ROS1: variants seen among roughly 807,000 people sequenced by gnomAD.
ROS1 encodes ROS proto-oncogene 1, receptor tyrosine kinase, also known as proto-oncogene tyrosine-protein kinase ROS.
In ROS1, 263 loss-of-function variants were observed where a neutral mutation model predicts 273.5. The observed-to-expected ratio is 0.96, with a 90% confidence interval of 0.87 to 1.06. The LOEUF is 1.06. Among genes scored for constraint, ROS1 ranks in the 50% least tolerant of loss-of-function variants. The probability of loss-of-function intolerance (pLI) is 0.00; values close to 1 mark genes in which losing one functional copy is unlikely to be tolerated. For missense variants in ROS1, 2,833 were observed against 2,751.1 expected, an observed-to-expected ratio of 1.03 and a Z score of -0.67; for synonymous variants, 1,008 against 954.1, an observed-to-expected ratio of 1.06 and a Z score of -1.04.
rs1159992483 is a variant in ROS1, at chr6:117,404,363, A to G, written c.382T>C (p.Trp128Arg). 2 of 1,614,048 alleles carry G rather than the reference A, an allele frequency of 1.2e-6. No homozygotes were observed. The highest frequency in any genetic ancestry group is 1.7e-6 in the Non-Finnish European group (2 of 1,179,914). The part of the protein sequence containing the change: ...SIGSHNMTLR[W>R]KSANFSGVKY... ...ACTCCAGAGAAGTTTGCAGATTTCCATCGTAATGTCATATTGTGGCTTCCA... is the reference window on the plus strand; with the variant it reads ...ACTCCAGAGAAGTTTGCAGATTTCCGTCGTAATGTCATATTGTGGCTTCCA... Residue 128 changes from tryptophan (W) to arginine (R), a missense_variant, in exon 6 of 44, where the codon TGG (tryptophan) becomes CGG (arginine). Trp to Arg is a moderately radical substitution (Grantham distance 101, BLOSUM62 -3). Transcript: ENST00000368507.
chr6:117,403,299 C>A (rs2243379), intron 6 of ROS1, 22 bp from the exon 7 acceptor site: 798,545 of 1,602,072 alleles, frequency 0.5, 208,226 homozygotes, highest in African/African-American at 0.88. Flanking sequence ...AGTGATCAAT[C>A]ATCAGCATTA....
In ROS1 at chr6:117,396,895, C is replaced by A. The variant is rs1288272037; in HGVS notation, c.806+20G>T. ...GCAGCCATGCTGGTTACATTTTCCT[C>A]TGTATCACTTAATTCTTACCTGTAG... On this transcript the variant is annotated intron_variant, in intron 8 of 43. Transcript: ENST00000368507. 1 of 1,546,148 alleles carries A rather than the reference C, an allele frequency of 6.5e-7. No individual in the cohort carries two copies. The highest frequency in any genetic ancestry group is 2.2e-5 in the East Asian group (1 of 44,568).
chr6:117,370,529 G>A (rs1456432346), intron 18 of ROS1, among the ~76,000 whole-genome samples: 1 of 152,024 alleles, frequency 6.6e-6, no homozygotes, highest in Non-Finnish European at 1.5e-5. Context: ...AATTTTAGAT[G>A]TGTAACTTCT....
At chr6:117,400,126 T>A (rs997408127) in intron 7 of ROS1, among the ~76,000 whole-genome samples, 1 of 152,240 alleles carries the variant, frequency 6.6e-6, no homozygotes, top group Non-Finnish European at 1.5e-5. Flanking sequence ...CTCCATGCCT[T>A]AGAATCCAAT....
intron 42 of ROS1, among the ~76,000 whole-genome samples, chr6:117,306,075 A>G (rs1048948095): frequency 1.4e-5 from 2 of 142,190 alleles, no homozygotes; most frequent in South Asian, 4.4e-4. Flanking sequence ...CTCATTAGCT[A>G]TATCCAATGT....
chr6:117,356,508 A>G, intron 26 of ROS1, 121 bp downstream of exon 26: 1 of 855,990 alleles, frequency 1.2e-6, no homozygotes, highest in Non-Finnish European at 1.7e-6. Flanking sequence ...AACACTTGGC[A>G]TGGTACAGAG....
intron 7 of ROS1, among the ~76,000 whole-genome samples, chr6:117,398,701 G>C (rs116922762): frequency 1.4e-5 from 2 of 144,414 alleles, no homozygotes; most frequent in Non-Finnish European, 3.1e-5. Flanking sequence ...AAAAAAACTC[G>C]CGGTGACTCA....
chr6:117,413,372 A>C (rs924688365), intron 4 of ROS1, among the ~76,000 whole-genome samples: 1 of 152,194 alleles, frequency 6.6e-6, no homozygotes, highest in African/African-American at 2.4e-5. Flanking sequence ...AGCTGGGATT[A>C]CAGGTGCACA....
intron 42 of ROS1, among the ~76,000 whole-genome samples, chr6:117,306,654 T>C (rs1775126404): frequency 6.6e-6 from 1 of 152,134 alleles, no homozygotes; most frequent in Admixed American, 6.6e-5. Context: ...AAGCAGTAAA[T>C]GGAAGGTGTA....
intron 26 of ROS1, among the ~76,000 whole-genome samples, chr6:117,355,720 C>T (rs1022516173): frequency 6.6e-6 from 1 of 151,804 alleles, no homozygotes; most frequent in Non-Finnish European, 1.5e-5. Flanking sequence ...AGTGAGTCTT[C>T]CTGTCTCAGC....
At chr6:117,318,327 T>C in intron 37 of ROS1, 75 bp from the exon 38 acceptor site, 2 of 1,026,848 alleles carry the variant, frequency 1.9e-6, no homozygotes, top group East Asian at 4.8e-5. Flanking sequence ...ATGGAGATTG[T>C]TCTGTTTGTT....
intron 12 of ROS1, among the ~76,000 whole-genome samples, chr6:117,390,742 C>T (rs1328660281): frequency 1.3e-5 from 2 of 152,096 alleles, no homozygotes; most frequent in African/African-American, 4.8e-5. Context: ...ATACCCCACA[C>T]ATGACTGAAG....
chr6:117,327,568 G>A (rs1001101825), intron 33 of ROS1, among the ~76,000 whole-genome samples: 2 of 152,114 alleles, frequency 1.3e-5, no homozygotes, highest in Non-Finnish European at 2.9e-5. Flanking sequence ...TTAATTCACT[G>A]AGTCCACAAC....
At chr6:117,328,714 A>C (rs1776824594) in intron 33 of ROS1, 8 of 612,454 alleles carry the variant, frequency 1.3e-5, no homozygotes, top group Middle Eastern at 2.7e-4. Context: ...GCATGAAATC[A>C]GTCCTTCTAA....
intron 33 of ROS1, chr6:117,328,741 G>A (rs374551666): frequency 7.7e-5 from 47 of 613,722 alleles, no homozygotes; most frequent in African/African-American, 2.7e-4. Flanking sequence ...TATGGTTCAC[G>A]TGCTCCCCGT....
chr6:117,411,219 ATCTCTC>A (rs3839368), intron 4 of ROS1, among the ~76,000 whole-genome samples: 33 of 133,530 alleles, frequency 2.5e-4, no homozygotes, highest in South Asian at 2.5e-4. Flanking sequence ...CCTTCTCTCA[ATCTCTC>A]TCTCTCTCTC....
chr6:117,414,968 T>C (rs1775227132), intron 3 of ROS1, among the ~76,000 whole-genome samples: 1 of 151,918 alleles, frequency 6.6e-6, no homozygotes, highest in Non-Finnish European at 1.5e-5. Context: ...CCTCCTGGAT[T>C]GTTTCCCAGC....
intron 42 of ROS1, among the ~76,000 whole-genome samples, chr6:117,305,964 T>C (rs1174135909): frequency 5.9e-5 from 9 of 151,992 alleles, no homozygotes; most frequent in Non-Finnish European, 1.0e-4. Context: ...AAGTATCTCA[T>C]TTGGCTAAGT....
At position 117,307,516 on chromosome 6, in the gene ROS1, G is replaced by A. The variant is rs556307214; in HGVS notation, c.6551+1278C>T. The stretch of plus-strand genomic sequence containing the variant: ...TTTTTTCTTAAACCCTACATGAAAG[G>A]TTTTCAAATTTTGTATAATTTCTTA... On this transcript the variant is annotated intron_variant, in intron 42 of 43. Coordinates refer to ENST00000368507, the MANE Select transcript of ROS1 (RefSeq NM_001378902.1). 1.2e-4 allele frequency among the ~76,000 whole-genome samples: 18 copies of A among 152,026 alleles called. No homozygotes were observed. In the South Asian group the frequency reaches 3.3e-3, roughly 28 times the overall value.
Sources: allele counts gnomAD v4.1 joint callset (sites outside exome capture counted in the v4.1 genomes callset), GRCh38; gene constraint gnomAD v4.1.1; transcripts MANE v1.5; gene names NCBI Gene and HGNC (gene_info 2026-07-23, HGNC 2026-07-21).